Variants in GPC5 observed in about 807,000 individuals in gnomAD.
GPC5 encodes the protein glypican-5.
In GPC5, 47 loss-of-function variants were observed where a neutral mutation model predicts 53.9. That is an observed-to-expected ratio of 0.87 (90% CI 0.69 to 1.11). The LOEUF is 1.11. GPC5 is among the 50% of genes most tolerant of loss of function. The pLI is 0.00. For synonymous variants in GPC5, 286 were observed against 263.3 expected (o/e 1.09, Z -0.84); for missense variants, 748 against 713.1 (o/e 1.05, Z -0.56).
Position 91,479,079 on chromosome 13 carries a change from A to G in GPC5, c.325+30157A>G, listed in dbSNP as rs552111016. Among the ~76,000 whole-genome samples, 95 of 150,592 alleles carry G rather than the reference A, an allele frequency of 6.3e-4. No individual in the cohort carries two copies. The South Asian group carries it at 0.018, about 28-fold the overall frequency. ...AGGTGCCTGCCACCACGCCTGGCTA[A>G]TTTTTTGTATTTTAGTAGAGATGGG... is the stretch of plus-strand genomic sequence containing the variant. On this transcript the variant is annotated intron_variant, in intron 2 of 7. Transcript: ENST00000377067.
chr13:91,643,075 A>G (rs2034471551), intron 2 of GPC5, among the ~76,000 whole-genome samples: 1 of 152,116 alleles, frequency 6.6e-6, no homozygotes, highest in Non-Finnish European at 1.5e-5. Context: ...CGCTAGCAGT[A>G]TACCATAGGC....
chr13:92,680,231 CT>C (rs944737915), intron 7 of GPC5, among the ~76,000 whole-genome samples: 4 of 152,204 alleles, frequency 2.6e-5, no homozygotes, highest in Non-Finnish European at 5.9e-5. Context: ...TAGAGGCCCT[CT>C]TTTGTTACTC....
intron 1 of GPC5, among the ~76,000 whole-genome samples, chr13:91,404,517 G>A (rs1877178724): frequency 1.3e-5 from 2 of 152,102 alleles, no homozygotes; most frequent in African/African-American, 4.8e-5. Context: ...AGAAGAAAAG[G>A]CAGCACTGAT....
intron 5 of GPC5, among the ~76,000 whole-genome samples, chr13:91,849,699 T>C (rs1231855480): frequency 6.6e-6 from 1 of 152,204 alleles, no homozygotes; most frequent in Non-Finnish European, 1.5e-5. Context: ...CAAATGGCTA[T>C]TGAGCTTTTG....
intron 6 of GPC5, among the ~76,000 whole-genome samples, chr13:91,975,382 G>A (rs1194493475): frequency 1.3e-5 from 2 of 151,388 alleles, no homozygotes; most frequent in African/African-American, 2.4e-5. Context: ...CTGACAAAGG[G>A]CTAATATCCA....
intron 7 of GPC5, among the ~76,000 whole-genome samples, chr13:92,594,713 T>A (rs1883812771): frequency 6.6e-6 from 1 of 152,188 alleles, no homozygotes; most frequent in African/African-American, 2.4e-5. Context: ...GCTAAAGAAC[T>A]CTGTCATGTT....
rs1479352407 is a variant in GPC5, at chr13:92,104,048, G to T, written c.1402-40782G>T. 5.3e-5 allele frequency among the ~76,000 whole-genome samples: 8 copies of T among 152,154 alleles called. No homozygotes were observed. The East Asian group carries it at 1.5e-3, about 29-fold the overall frequency. On this transcript the variant is annotated intron_variant, in intron 6 of 7. Coordinates refer to ENST00000377067, the MANE Select transcript of GPC5 (RefSeq NM_004466.6). ...ATTGTTTTTGGCAAATACCCCGGGGGAAAAAGGCTATTTGCATTGAGAGAG... is the reference window on the plus strand; with the variant it reads ...ATTGTTTTTGGCAAATACCCCGGGGTAAAAAGGCTATTTGCATTGAGAGAG...
chr13:92,497,848 G>A (rs1284890951), intron 7 of GPC5, among the ~76,000 whole-genome samples: 1 of 151,918 alleles, frequency 6.6e-6, no homozygotes, highest in Non-Finnish European at 1.5e-5. Flanking sequence ...TACTCTCTTT[G>A]TAGTGATTGT....
chr13:91,714,504 C>T (rs1371634663), intron 3 of GPC5, among the ~76,000 whole-genome samples: 1 of 152,106 alleles, frequency 6.6e-6, no homozygotes, highest in African/African-American at 2.4e-5. Flanking sequence ...ATATAATGCC[C>T]TATTTTTGTA....
At chr13:91,940,488 A>G (rs2039916341) in intron 6 of GPC5, among the ~76,000 whole-genome samples, 1 of 152,036 alleles carries the variant, frequency 6.6e-6, no homozygotes, top group African/African-American at 2.4e-5. Flanking sequence ...AGAATAATTA[A>G]TTTTCTTTTG....
intron 7 of GPC5, among the ~76,000 whole-genome samples, chr13:92,386,821 T>C (rs1874749808): frequency 6.6e-6 from 1 of 152,104 alleles, no homozygotes; most frequent in Non-Finnish European, 1.5e-5. Flanking sequence ...GTTAAAAACT[T>C]ACTATATTTT....
At chr13:92,542,019 T>C (rs941320577) in intron 7 of GPC5, among the ~76,000 whole-genome samples, 2 of 152,022 alleles carry the variant, frequency 1.3e-5, no homozygotes, top group Non-Finnish European at 2.9e-5. Context: ...TTAACTACTT[T>C]TGTTTTATAA....
intron 2 of GPC5, among the ~76,000 whole-genome samples, chr13:91,677,310 C>T (rs61416611): frequency 0.019 from 2,917 of 152,124 alleles, 90 homozygotes; most frequent in African/African-American, 0.067. Context: ...AAATATATGA[C>T]TGCAGCTCCA....
chr13:92,534,678 A>C (rs543255134), intron 7 of GPC5, among the ~76,000 whole-genome samples: 22 of 152,148 alleles, frequency 1.4e-4, no homozygotes, highest in Non-Finnish European at 2.9e-5. Context: ...ATTGTGTGAT[A>C]TTTTCTCTTC....
At chr13:92,559,386 G>A (rs1380565509) in intron 7 of GPC5, among the ~76,000 whole-genome samples, 1 of 150,818 alleles carries the variant, frequency 6.6e-6, no homozygotes. Flanking sequence ...GTGGGGGCGC[G>A]GGTGTACTAT....
intron 7 of GPC5, among the ~76,000 whole-genome samples, chr13:92,815,604 GT>G (rs912794604): frequency 2.6e-5 from 4 of 151,796 alleles, no homozygotes; most frequent in Admixed American, 6.6e-5. Flanking sequence ...AGGAGTTATA[GT>G]TGTATGTATC....
chr13:91,830,949 TA>T (rs1231738242), intron 5 of GPC5, among the ~76,000 whole-genome samples: 1 of 136,290 alleles, frequency 7.3e-6, no homozygotes, highest in Non-Finnish European at 1.5e-5. Context: ...TCCTATTATA[TA>T]TGATATATAT....
intron 2 of GPC5, among the ~76,000 whole-genome samples, chr13:91,680,084 AG>A (rs2035472295): frequency 6.6e-6 from 1 of 152,172 alleles, no homozygotes; most frequent in Non-Finnish European, 1.5e-5. Context: ...ATTATATTTG[AG>A]CTTTTAAAAG....
intron 2 of GPC5, among the ~76,000 whole-genome samples, chr13:91,545,700 A>T (rs976507197): frequency 6.6e-6 from 1 of 151,928 alleles, no homozygotes; most frequent in Non-Finnish European, 1.5e-5. Flanking sequence ...GTAACTTCCC[A>T]TTTCCTCCTC....
Sources: gnomAD v4.1 joint callset for allele counts (sites outside exome capture counted in the v4.1 genomes callset) on GRCh38, gnomAD v4.1.1 for gene constraint, MANE v1.5 for transcripts, NCBI Gene and HGNC (gene_info 2026-07-23, HGNC 2026-07-21) for gene names.